SRRT: variants seen among roughly 807,000 people sequenced by gnomAD.
SRRT encodes the protein serrate RNA effector molecule homolog.
In SRRT, 32 loss-of-function variants were observed where a neutral mutation model predicts 103.2. The ratio of observed to expected loss-of-function variants is 0.31; its 90% CI spans 0.23 to 0.42. SRRT has a LOEUF of 0.42. Ranked by LOEUF, SRRT falls within the 10% of genes least tolerant of loss-of-function variation. The pLI is 1.00. For missense variants in SRRT, 986 were observed against 1,207.5 expected (o/e 0.82, Z 2.72); for synonymous variants, 525 against 449.0 (o/e 1.17, Z -2.14).
chr7:100,885,369 C>G lies in SRRT; in HGVS notation c.1316C>G (p.Ser439Cys), dbSNP rs779147142. The stretch of plus-strand genomic sequence containing the variant: ...AACATCTCCCGGGCCGAGATCATCT[C>G]CGTGAGTGGGGACCCGTGGAGTCAG... ...APNISRAEII[S>C]LCKRYPGFMR... The change falls in exon 10 of 20, where the codon TCC (serine) becomes TGC (cysteine). Residue 439 changes from serine (S) to cysteine (C), a missense_variant and splice_region_variant. Ser to Cys is a moderately radical substitution (Grantham distance 112). Transcript: ENST00000611405. This position sits in a 1 kb window ranked among gnomAD's most constrained non-coding sequence, Gnocchi z 4.8. 3 of 1,612,836 alleles carry G rather than the reference C, an allele frequency of 1.9e-6. No individual in the cohort carries two copies. In the Admixed American group the frequency reaches 5.0e-5, roughly 27 times the overall value.
At position 100,887,650 on chromosome 7, in the gene SRRT, G is replaced by GA. The variant is rs1790272186; in HGVS notation, c.2170-52dup. ...GGGAATCCTTCCAGCTCGGGCCTGG[G>GA]AGCGAGGCAACCCTTATGTGGCTGT... On this transcript the variant is annotated intron_variant, in intron 16 of 19. Coordinates refer to ENST00000611405, the MANE Select transcript of SRRT (RefSeq NM_015908.6). This position sits in a 1 kb window ranked among gnomAD's most constrained non-coding sequence, Gnocchi z 4.1. 6.3e-7 allele frequency: 1 copy of GA among 1,584,602 alleles called. No homozygotes were observed. The highest frequency in any genetic ancestry group is 8.6e-7 in the Non-Finnish European group (1 of 1,160,352).
chr7:100,879,265 A>T (rs952967013), intron 2 of SRRT, among the ~76,000 whole-genome samples: 1 of 152,064 alleles, frequency 6.6e-6, no homozygotes, highest in Non-Finnish European at 1.5e-5. Context: ...CAGCCAGCTA[A>T]GTTTTGTATT....
At chr7:100,886,698 ACTC>A (rs1790143642) in intron 13 of SRRT, 94 bp from the exon 14 acceptor site, 2 of 1,385,788 alleles carry the variant, frequency 1.4e-6, no homozygotes, top group African/African-American at 2.9e-5. Flanking sequence ...TGTCCGGTGA[ACTC>A]CTGTCCCCTC....
intron 7 of SRRT, 54 bp from the exon 8 acceptor site, chr7:100,884,686 T>G: frequency 6.3e-7 from 1 of 1,577,376 alleles, no homozygotes; most frequent in African/African-American, 1.4e-5. Flanking sequence ...GGGGGCCCTC[T>G]GATAAAGGTG....
chr7:100,886,123 C>T, intron 12 of SRRT, 124 bp from the exon 13 acceptor site: 3 of 1,282,450 alleles, frequency 2.3e-6, no homozygotes, highest in Non-Finnish European at 3.2e-6. Flanking sequence ...CTATGTGGTC[C>T]CCGTCCCCAG....
At chr7:100,878,875 T>G (rs1816005447) in intron 2 of SRRT, among the ~76,000 whole-genome samples, 1 of 151,836 alleles carries the variant, frequency 6.6e-6, no homozygotes, top group South Asian at 2.1e-4. Context: ...CTAACCTACT[T>G]TCTTCCTTCC....
Position 100,885,193 on chromosome 7 carries a change from C to CGGGTT in SRRT, c.1160-20_1160-19insGGGTT, listed in dbSNP as rs1363670493. On this transcript the variant is annotated intron_variant, in intron 9 of 19. Coordinates refer to ENST00000611405, the MANE Select transcript of SRRT (RefSeq NM_015908.6). This position sits in a 1 kb window ranked among gnomAD's most constrained non-coding sequence, Gnocchi z 4.8. ...GTAATAAAAATGCACCAACTCCTTC[C>CGGGTT]TACCCCCCTTCCTGCCTAGAAGAAG... The CGGGTT allele has an allele frequency of 1.9e-6, 3 of 1,609,936 alleles. No homozygotes were observed. The African/African-American group carries it at 4.0e-5, about 22-fold the overall frequency.
chr7:100,883,949 A>G (rs1584747667), intron 5 of SRRT, 121 bp from the exon 6 acceptor site: 1 of 1,112,742 alleles, frequency 9.0e-7, no homozygotes, highest in Non-Finnish European at 1.3e-6. Context: ...CTCTATTTTG[A>G]TGACCTTTTG....
chr7:100,887,284 C>G lies in SRRT; in HGVS notation c.1976-36C>G. The G allele has an allele frequency of 6.2e-7, 1 of 1,610,264 alleles. No individual in the cohort carries two copies. Among genetic ancestry groups the G allele is most frequent in the Non-Finnish European group, 8.5e-7 (1 of 1,177,204 alleles). ...TGCCACCATCCTTCCTTCTGGCTCC[C>G]TTGCCAACCTTCCTTCCTCTGTTCC... On this transcript the variant is annotated intron_variant, in intron 15 of 19. Coordinates refer to ENST00000611405, the MANE Select transcript of SRRT (RefSeq NM_015908.6). The surrounding 1 kb of genome is among the most constrained non-coding windows in gnomAD (Gnocchi z 4.1).
intron 2 of SRRT, chr7:100,880,793 G>A (rs1816234789): frequency 2.8e-6 from 1 of 352,030 alleles, no homozygotes; most frequent in Admixed American, 3.4e-5. Flanking sequence ...TAGCAGGGGT[G>A]ATTCATGTGG....
chr7:100,884,659 G>A, intron 7 of SRRT, 81 bp from the exon 8 acceptor site: 1 of 1,344,914 alleles, frequency 7.4e-7, no homozygotes. Flanking sequence ...TGAACCTGTG[G>A]CCTCAGCTGT....
intron 3 of SRRT, 72 bp from the exon 4 acceptor site, chr7:100,881,587 C>T (rs549079493): frequency 4.6e-5 from 74 of 1,599,894 alleles, no homozygotes; most frequent in South Asian, 1.8e-4. Flanking sequence ...TGTGTACCCC[C>T]GTCTGTCCAT....
intron 1 of SRRT, 80 bp from the exon 2 acceptor site, chr7:100,875,493 G>C: frequency 6.3e-7 from 1 of 1,577,352 alleles, no homozygotes; most frequent in African/African-American, 1.3e-5. Context: ...GGAGGGAAGC[G>C]GGCGAGCTGC....
Position 100,885,493 on chromosome 7 carries a change from G to T in SRRT, c.1317+123G>T. Reference sequence around the variant, plus strand: ...ACCTGCTAGGGAGGCCCCTTCCCCAGGTTCCATGGCCTCCGAGGACTAGTC... The same window carrying T: ...ACCTGCTAGGGAGGCCCCTTCCCCATGTTCCATGGCCTCCGAGGACTAGTC... On this transcript the variant is annotated intron_variant, in intron 10 of 19. Transcript: ENST00000611405. This position sits in a 1 kb window ranked among gnomAD's most constrained non-coding sequence, Gnocchi z 4.8. 1 of 1,203,644 alleles carries T rather than the reference G, an allele frequency of 8.3e-7. No homozygotes were observed. Among genetic ancestry groups the T allele is most frequent in the Non-Finnish European group, 1.2e-6 (1 of 864,152 alleles). The allele number at this position is 1,203,644 out of a possible 1,614,324, so 74.6% of individuals were successfully genotyped here. A position where few individuals can be genotyped will look rare whatever the true frequency, so the allele number is the denominator to read the frequency against.
rs1464147886 is a variant in SRRT, at chr7:100,884,160, C to T, written c.678C>T (p.Ser226=). 6.2e-7 allele frequency: 1 copy of T among 1,614,070 alleles called. No individual in the cohort carries two copies. Among genetic ancestry groups the T allele is most frequent in the East Asian group, 2.2e-5 (1 of 44,880 alleles). ...AAAACCGACTGAGGGTCTTCCTGTC[C>T]CTCATGGAGACTGGCTGGTTTGATA... ...ALQNRLRVFL[S]LMETGWFDNL... The change falls in exon 6 of 20, where the codon TCC becomes TCT. Residue 226 remains serine, a synonymous_variant. Transcript: ENST00000611405.
intron 5 of SRRT, among the ~76,000 whole-genome samples, 187 bp from the exon 6 acceptor site, chr7:100,883,883 C>T (rs1421296454): frequency 6.6e-6 from 1 of 152,212 alleles, no homozygotes; most frequent in African/African-American, 2.4e-5. Flanking sequence ...CAGAACACAA[C>T]TTCTGGTTCC....
rs1450762227 is a variant in SRRT at position 100,884,600 on chromosome 7, G to T, written c.942+48G>T. The T allele has an allele frequency of 2.7e-6, 3 of 1,120,566 alleles. 1 individual carries two copies. The South Asian group carries it at 3.8e-5, about 14-fold the overall frequency. The allele number at this position is 1,120,566 out of a possible 1,614,324, so 69.4% of individuals were successfully genotyped here. ...TGTTGTCCCTGGCAGCCTGGGGGAGGGGGGCGGGTAGGGGTCCATAGGAGC... is the reference window on the plus strand; with the variant it reads ...TGTTGTCCCTGGCAGCCTGGGGGAGTGGGGCGGGTAGGGGTCCATAGGAGC... On this transcript the variant is annotated intron_variant, in intron 7 of 19. Coordinates refer to ENST00000611405, the MANE Select transcript of SRRT (RefSeq NM_015908.6).
At chr7:100,879,714 A>G (rs1216954638) in intron 2 of SRRT, among the ~76,000 whole-genome samples, 1 of 151,570 alleles carries the variant, frequency 6.6e-6, no homozygotes, top group African/African-American at 2.4e-5. Context: ...GGGCTGAGGC[A>G]GGAGAATTGC....
intron 6 of SRRT, 43 bp downstream of exon 6, chr7:100,884,282 G>A (rs200228895): frequency 1.2e-5 from 20 of 1,613,172 alleles, no homozygotes; most frequent in African/African-American, 1.3e-5. Flanking sequence ...GGCCCCATGG[G>A]GGTGGGGGTG....
Sources: allele counts gnomAD v4.1 joint callset (sites outside exome capture counted in the v4.1 genomes callset), GRCh38; gene constraint gnomAD v4.1.1; non-coding constraint Gnocchi (gnomAD v3.1); transcripts MANE v1.5; gene names NCBI Gene and HGNC (gene_info 2026-07-23, HGNC 2026-07-21).